The following SLIT1 variants were observed in gnomAD, a reference collection of about 807,000 sequenced individuals.
SLIT1 encodes slit guidance ligand 1.
SLIT1 carries 66 observed loss-of-function variants against 186.1 expected under a neutral mutation model. The observed-to-expected ratio is 0.35, with a 90% confidence interval of 0.29 to 0.44. The LOEUF is 0.44. SLIT1 is among the 20% of genes least tolerant of loss of function. SLIT1 has a pLI of 1.00. For missense variants in SLIT1, 1,638 were observed against 2,037.4 expected (o/e 0.80, Z 3.77); for synonymous variants, 761 against 833.8 (o/e 0.91, Z 1.50).
chr10:97,162,397 G>A (rs1458735737), intron 3 of SLIT1, among the ~76,000 whole-genome samples: 1 of 152,138 alleles, frequency 6.6e-6, no homozygotes, highest in African/African-American at 2.4e-5. Context: ...GTCACCTGAG[G>A]TCAGGGGTTC....
chr10:97,125,982 AAGAG>A (rs961789765), intron 4 of SLIT1, among the ~76,000 whole-genome samples: 2 of 152,068 alleles, frequency 1.3e-5, no homozygotes, highest in African/African-American at 2.4e-5. Flanking sequence ...ATTCTGAAGA[AAGAG>A]AGAGAGAATA....
Position 97,060,853 on chromosome 10 carries a change from C to T in SLIT1, c.794-66G>A, listed in dbSNP as rs142699782. The T allele has an allele frequency of 4.0e-5, 59 of 1,477,398 alleles. 1 individual carries two copies. Among genetic ancestry groups the T allele is most frequent in the African/African-American group, 2.9e-4 (21 of 71,970 alleles). The allele number at this position is 1,477,398 out of a possible 1,614,324, so 91.5% of individuals were successfully genotyped here. The stretch of plus-strand genomic sequence containing the variant: ...CAGCACCTCCCTTGAGCCCAGATAC[C>T]GACTGATGGATGGGATAGGGTGTAC... On this transcript the variant is annotated intron_variant, in intron 8 of 36. Transcript: ENST00000266058.
chr10:97,055,307 A>G (rs1375936978), intron 13 of SLIT1, among the ~76,000 whole-genome samples: 1 of 152,188 alleles, frequency 6.6e-6, no homozygotes, highest in Non-Finnish European at 1.5e-5. Context: ...ATATTAAGGA[A>G]TTAATTATAC....
At chr10:97,003,961 T>A in intron 34 of SLIT1, 107 bp downstream of exon 34, 1 of 1,057,402 alleles carries the variant, frequency 9.5e-7, no homozygotes, top group Non-Finnish European at 1.4e-6. Flanking sequence ...ACCACCAGGA[T>A]CATCTTCCCA....
chr10:97,179,800 T>TCC (rs150754287), intron 1 of SLIT1, among the ~76,000 whole-genome samples: 1,549 of 124,902 alleles, frequency 0.012, 38 homozygotes, highest in South Asian at 0.025. Flanking sequence ...CTCCACACCC[T>TCC]CCCCGCCCCC....
chr10:97,014,150 C>G lies in SLIT1; in HGVS notation c.2978G>C (p.Cys993Ser). The G allele has an allele frequency of 6.2e-7, 1 of 1,613,738 alleles. No homozygotes were observed. The highest frequency in any genetic ancestry group is 8.5e-7 in the Non-Finnish European group (1 of 1,180,030). ...EGEDAPFTCSCPTGFEGPTCG... is the reference protein window; with the variant it reads ...EGEDAPFTCSSPTGFEGPTCG... ...GGTTGGTCCTTCAAAGCCGGTGGGA[C>G]AGGAGCACCTGTGCGGGGAAGGGGA... Residue 993 changes from cysteine (C) to serine (S), a missense_variant, in exon 29 of 37, where the codon TGT (cysteine) becomes TCT (serine). By Grantham distance (112) the Cys-to-Ser change is moderately radical. This residue lies in a region of SLIT1 where 1,245 missense variants were observed against 1,535.3 expected (regional missense o/e 0.81). Transcript: ENST00000266058.
intron 13 of SLIT1, among the ~76,000 whole-genome samples, chr10:97,051,540 G>A (rs1245892188): frequency 1.3e-5 from 2 of 152,210 alleles, no homozygotes; most frequent in South Asian, 2.1e-4. Flanking sequence ...TGTCGGGCGC[G>A]GTGGCTCACG....
intron 4 of SLIT1, among the ~76,000 whole-genome samples, chr10:97,155,726 T>A (rs1196655242): frequency 6.6e-6 from 1 of 152,146 alleles, no homozygotes; most frequent in African/African-American, 2.4e-5. Flanking sequence ...AGGCAAATCA[T>A]GCCAGGAGAG....
intron 4 of SLIT1, among the ~76,000 whole-genome samples, chr10:97,098,494 G>C (rs1029992618): frequency 2.0e-5 from 3 of 152,224 alleles, no homozygotes; most frequent in Non-Finnish European, 4.4e-5. Context: ...GAGTAGGTGA[G>C]CAGAGGCAGG....
intron 18 of SLIT1, among the ~76,000 whole-genome samples, chr10:97,044,839 G>C (rs980978101): frequency 3.9e-5 from 6 of 152,222 alleles, no homozygotes; most frequent in African/African-American, 1.4e-4. Context: ...TAAAGATATT[G>C]TCACAGAATG....
intron 3 of SLIT1, among the ~76,000 whole-genome samples, chr10:97,159,812 C>T (rs1284884501): frequency 1.3e-5 from 2 of 152,176 alleles, no homozygotes; most frequent in Non-Finnish European, 1.5e-5. Context: ...ACTTTGCATT[C>T]GTGCCCTCAC....
chr10:97,139,266 A>C (rs1849734236), intron 4 of SLIT1, among the ~76,000 whole-genome samples: 1 of 152,222 alleles, frequency 6.6e-6, no homozygotes. Context: ...ACTAGCTGCT[A>C]CTTTGCAAAC....
In SLIT1 at chr10:97,031,951, G is replaced by A. The variant is rs1011929026; in HGVS notation, c.2439-274C>T. Among the ~76,000 whole-genome samples the A allele has an allele frequency of 5.3e-5, 8 of 152,254 alleles. No homozygotes were observed. In the East Asian group the frequency reaches 7.7e-4, roughly 15 times the overall value. On this transcript the variant is annotated intron_variant, in intron 23 of 36. Coordinates refer to ENST00000266058, the MANE Select transcript of SLIT1 (RefSeq NM_003061.3). Reference sequence around the variant, plus strand: ...AACTCCATAGGGCTGTCCTGGGGACGAAATCCAGGTGAAGCACTTAGCATC... The same window carrying A: ...AACTCCATAGGGCTGTCCTGGGGACAAAATCCAGGTGAAGCACTTAGCATC...
intron 13 of SLIT1, among the ~76,000 whole-genome samples, chr10:97,050,136 G>A (rs1430634187): frequency 1.3e-5 from 2 of 152,116 alleles, no homozygotes; most frequent in African/African-American, 4.8e-5. Flanking sequence ...CAACAAGAGC[G>A]AAACTCTGTC....
Position 97,067,391 on chromosome 10 carries a change from C to T in SLIT1, c.414-1305G>A, listed in dbSNP as rs888379950. On this transcript the variant is annotated intron_variant, in intron 4 of 36. Coordinates refer to ENST00000266058, the MANE Select transcript of SLIT1 (RefSeq NM_003061.3). ...ACAGACGTGTGCAAACGCCCCTTTC[C>T]AGGTCAGCTCTTCCTACTCACAGCC... Among the ~76,000 whole-genome samples the T allele has an allele frequency of 2.0e-5, 3 of 152,190 alleles. No homozygotes were observed. The South Asian group carries it at 6.2e-4, about 31-fold the overall frequency.
Position 97,036,701 on chromosome 10 carries a change from C to T in SLIT1, c.2366+997G>A, listed in dbSNP as rs746224190. The stretch of plus-strand genomic sequence containing the variant: ...AGATTGCACTTGGAGTGGGACTGCT[C>T]CAAATCACACTAAGGTGGAATGTTC... On this transcript the variant is annotated intron_variant, in intron 22 of 36. Coordinates refer to ENST00000266058, the MANE Select transcript of SLIT1 (RefSeq NM_003061.3). Among the ~76,000 whole-genome samples, 118 of 152,156 alleles carry T rather than the reference C, an allele frequency of 7.8e-4. 1 individual carries two copies. Among genetic ancestry groups the T allele is most frequent in the African/African-American group, 2.8e-3 (114 of 41,430 alleles).
chr10:97,171,068 G>GA (rs1037785023), intron 1 of SLIT1, among the ~76,000 whole-genome samples: 1 of 152,064 alleles, frequency 6.6e-6, no homozygotes, highest in Non-Finnish European at 1.5e-5. Context: ...AATAAAAAAA[G>GA]AAAAAAGAAA....
At position 97,065,918 on chromosome 10, in the gene SLIT1, G is replaced by A. The variant is rs973060089; in HGVS notation, c.485+97C>T. On this transcript the variant is annotated intron_variant, in intron 5 of 36. Transcript: ENST00000266058. ...GAGAGCCCAGGTCAGCTCCCTGGCTGCCTGGACCACACGGCTCGCTCAGGG... is the reference window on the plus strand; with the variant it reads ...GAGAGCCCAGGTCAGCTCCCTGGCTACCTGGACCACACGGCTCGCTCAGGG... The A allele has an allele frequency of 7.9e-6, 7 of 887,622 alleles. No homozygotes were observed. In the African/African-American group the frequency reaches 9.9e-5, roughly 13 times the overall value. 55.0% of individuals were successfully genotyped at this position (887,622 alleles called of 1,614,324 possible).
intron 4 of SLIT1, among the ~76,000 whole-genome samples, chr10:97,123,004 A>G (rs1849573259): frequency 6.6e-6 from 1 of 152,214 alleles, no homozygotes; most frequent in African/African-American, 2.4e-5. Flanking sequence ...AAAAGGGGCT[A>G]ATGTTTGTGG....
Sources: allele counts gnomAD v4.1 joint callset (sites outside exome capture counted in the v4.1 genomes callset), GRCh38; gene constraint gnomAD v4.1.1; regional missense constraint gnomAD v4.1.1; transcripts MANE v1.5; gene names NCBI Gene and HGNC (gene_info 2026-07-23, HGNC 2026-07-21).